The following KLHL7 variants were observed in gnomAD, a reference collection of about 807,000 sequenced individuals.
KLHL7 encodes kelch-like protein 7.
KLHL7 carries 44 observed loss-of-function variants against 67.4 expected under a neutral mutation model. The observed-to-expected ratio is 0.65, with a 90% CI of 0.51 to 0.84. The LOEUF is 0.84. KLHL7 is among the 40% of genes least tolerant of loss of function. KLHL7 has a pLI of 0.00. For missense variants in KLHL7, 362 were observed against 718.1 expected (o/e 0.50, Z 5.67); for synonymous variants, 252 against 243.3 (o/e 1.04, Z -0.33).
intron 4 of KLHL7, among the ~76,000 whole-genome samples, chr7:23,138,688 C>G (rs889542231): frequency 6.6e-6 from 1 of 151,710 alleles, no homozygotes; most frequent in Non-Finnish European, 1.5e-5. Flanking sequence ...TAGATGCGCG[C>G]CACCACACTC....
intron 7 of KLHL7, among the ~76,000 whole-genome samples, chr7:23,157,128 AATGAAG>A (rs1784730961): frequency 6.6e-6 from 1 of 152,210 alleles, no homozygotes; most frequent in African/African-American, 2.4e-5. Flanking sequence ...CATGTGCATA[AATGAAG>A]TATAAACCTT....
At chr7:23,153,295 T>G (rs1458086306) in intron 7 of KLHL7, among the ~76,000 whole-genome samples, 4 of 152,178 alleles carry the variant, frequency 2.6e-5, no homozygotes, top group Admixed American at 6.5e-5. Context: ...CCCAGGCCTC[T>G]CAAGTTTGTT....
intron 6 of KLHL7, among the ~76,000 whole-genome samples, chr7:23,150,855 G>A (rs1320350168): frequency 6.6e-6 from 1 of 152,108 alleles, no homozygotes; most frequent in African/African-American, 2.4e-5. Context: ...TCTAACTAGA[G>A]CACTCAAGCA....
At chr7:23,159,431 A>G (rs1784799591) in intron 7 of KLHL7, among the ~76,000 whole-genome samples, 1 of 152,032 alleles carries the variant, frequency 6.6e-6, no homozygotes, top group Admixed American at 6.6e-5. Context: ...TGGCCTCCCA[A>G]AGCACTGGGA....
At chr7:23,154,082 A>G (rs1204066607) in intron 7 of KLHL7, among the ~76,000 whole-genome samples, 1 of 152,222 alleles carries the variant, frequency 6.6e-6, no homozygotes, top group Non-Finnish European at 1.5e-5. Flanking sequence ...GGCCAGGTGC[A>G]GTGGCTCATG....
intron 9 of KLHL7, chr7:23,171,122 G>A (rs1313160664): frequency 9.9e-6 from 3 of 303,518 alleles, no homozygotes; most frequent in African/African-American, 4.5e-5. Flanking sequence ...GGCCAGGATG[G>A]CCTCCATCTC....
At chr7:23,114,694 A>C (rs2068459) in intron 1 of KLHL7, among the ~76,000 whole-genome samples, 53,984 of 152,126 alleles carry the variant, frequency 0.35, 9,857 homozygotes, top group African/African-American at 0.4. Context: ...ATACCAGCTT[A>C]AGAGGTTATT....
rs140256917 is a variant in KLHL7, at chr7:23,139,987, G to T, written c.443-782G>T. On this transcript the variant is annotated intron_variant, in intron 4 of 10. Coordinates refer to ENST00000339077, the MANE Select transcript of KLHL7 (RefSeq NM_001031710.3). ...ACCCTACAAAACAGGCTATGGGCTA[G>T]ATTTTGCCCATAAACAGTACTTTGC... Among the ~76,000 whole-genome samples, 30 of 151,378 alleles carry T rather than the reference G, an allele frequency of 2.0e-4. No homozygotes were observed. The East Asian group carries it at 5.4e-3, about 27-fold the overall frequency.
chr7:23,157,204 G>A (rs185082450), intron 7 of KLHL7, among the ~76,000 whole-genome samples: 1 of 152,292 alleles, frequency 6.6e-6, no homozygotes, highest in African/African-American at 2.4e-5. Flanking sequence ...TATCAGTAGC[G>A]TTTGTCACCA....
intron 6 of KLHL7, among the ~76,000 whole-genome samples, chr7:23,146,364 G>A (rs1193993100): frequency 2.0e-5 from 3 of 152,184 alleles, no homozygotes; most frequent in African/African-American, 2.4e-5. Flanking sequence ...CCATCTGCCA[G>A]CTGTCTTCAT....
intron 4 of KLHL7, among the ~76,000 whole-genome samples, chr7:23,134,343 T>G (rs1166081308): frequency 6.6e-6 from 1 of 152,182 alleles, no homozygotes; most frequent in Non-Finnish European, 1.5e-5. Flanking sequence ...GTTGTTGAAT[T>G]TGGTTTGCTA....
intron 4 of KLHL7, among the ~76,000 whole-genome samples, chr7:23,137,629 C>T (rs1377982850): frequency 6.6e-6 from 1 of 151,380 alleles, no homozygotes; most frequent in Non-Finnish European, 1.5e-5. Flanking sequence ...CAGGCACCCA[C>T]CAGCATGCCC....
intron 5 of KLHL7, 45 bp downstream of exon 5, chr7:23,140,989 T>TA (rs1784163058): frequency 1.3e-6 from 2 of 1,516,680 alleles, no homozygotes; most frequent in Non-Finnish European, 1.8e-6. Flanking sequence ...AAAATGTCTT[T>TA]ATTGGTTTCT....
chr7:23,160,085 G>A (rs1182015571), intron 7 of KLHL7, among the ~76,000 whole-genome samples: 1 of 152,138 alleles, frequency 6.6e-6, no homozygotes, highest in East Asian at 1.9e-4. Context: ...CCTGTACTCT[G>A]TACAAAGAGT....
chr7:23,140,207 TTAACAA>T (rs1411382543), intron 4 of KLHL7, among the ~76,000 whole-genome samples: 1 of 152,204 alleles, frequency 6.6e-6, no homozygotes, highest in Non-Finnish European at 1.5e-5. Context: ...GAGAAAATGT[TTAACAA>T]TAGCCAAGAA....
intron 4 of KLHL7, among the ~76,000 whole-genome samples, chr7:23,128,422 TAAAAAAAAAAAAAA>T (rs201757686): frequency 8.4e-4 from 98 of 116,936 alleles, no homozygotes; most frequent in Admixed American, 2.0e-3. Context: ...TCTTTGGGTT[TAAAAAAAAAAAAAA>T]AAAAAAAAAA....
intron 1 of KLHL7, among the ~76,000 whole-genome samples, chr7:23,122,539 A>T (rs1783395279): frequency 6.6e-6 from 1 of 152,196 alleles, no homozygotes; most frequent in Non-Finnish European, 1.5e-5. Flanking sequence ...AAAATTCAAG[A>T]CACTATGAGA....
At position 23,165,790 on chromosome 7, in the gene KLHL7, C is replaced by G. The variant is rs1216326687; in HGVS notation, c.1029C>G (p.Gly343=). ...ACAATGTAGTATACATTTTGGGAGG[C>G]TCTCAGCTTTTCCCAATAAAGCGAA... ...FWDNVVYILG[G]SQLFPIKRMD... The change falls in exon 8 of 11, where the codon GGC becomes GGG. Residue 343 remains glycine (G), a synonymous_variant. Coordinates refer to ENST00000339077, the MANE Select transcript of KLHL7 (RefSeq NM_001031710.3). The G allele has an allele frequency of 6.2e-7, 1 of 1,614,094 alleles. No homozygotes were observed. Among genetic ancestry groups the G allele is most frequent in the Middle Eastern group, 1.6e-4 (1 of 6,062 alleles).
chr7:23,115,686 G>C (rs745734408), intron 1 of KLHL7, among the ~76,000 whole-genome samples: 4 of 151,838 alleles, frequency 2.6e-5, no homozygotes, highest in African/African-American at 9.7e-5. Context: ...TGGGATTACC[G>C]GGCGTCCACC....
Sources: allele counts gnomAD v4.1 joint callset (sites outside exome capture counted in the v4.1 genomes callset), GRCh38; gene constraint gnomAD v4.1.1; transcripts MANE v1.5; gene names NCBI Gene and HGNC (gene_info 2026-07-23, HGNC 2026-07-21).